The following AK5 variants were observed in gnomAD, a reference collection of about 807,000 sequenced individuals.
AK5 encodes adenylate kinase isoenzyme 5.
A neutral mutation model predicts 69.5 loss-of-function variants in AK5; 27 were observed. The ratio of observed to expected loss-of-function variants is 0.39; its 90% CI spans 0.29 to 0.54. The LOEUF (loss-of-function observed/expected upper bound fraction) is 0.54, where lower values mean the gene tolerates loss of function less well. Ranked by LOEUF, AK5 falls within the 20% of genes least tolerant of loss-of-function variation. The probability of loss-of-function intolerance (pLI) is 0.71; values close to 1 mark genes in which losing one functional copy is unlikely to be tolerated. For missense variants in AK5, 531 were observed against 700.4 expected (o/e 0.76, Z 2.73); for synonymous variants, 260 against 244.4 (o/e 1.06, Z -0.60).
chr1:77,534,335 A>T (rs1658836181), intron 12 of AK5, among the ~76,000 whole-genome samples: 1 of 152,186 alleles, frequency 6.6e-6, no homozygotes, highest in African/African-American at 2.4e-5. Context: ...AAGGATATGG[A>T]GATGGGGAGA....
intron 11 of AK5, among the ~76,000 whole-genome samples, chr1:77,519,207 A>T (rs1259474516): frequency 6.6e-6 from 1 of 152,320 alleles, no homozygotes; most frequent in South Asian, 2.1e-4. Flanking sequence ...ATCTCTAAGA[A>T]GCTGAATGGT....
intron 6 of AK5, among the ~76,000 whole-genome samples, chr1:77,347,293 C>G (rs1057269950): frequency 1.8e-4 from 27 of 152,088 alleles, no homozygotes; most frequent in African/African-American, 6.3e-4. Flanking sequence ...CAGTGAGAGC[C>G]CTGAAGCAAC....
rs543705572 is a variant in AK5 at position 77,376,504 on chromosome 1, T to C, written c.892-34477T>C. Among the ~76,000 whole-genome samples, 223 of 150,312 alleles carry C rather than the reference T, an allele frequency of 1.5e-3. 2 individuals are homozygous for C. Among genetic ancestry groups the C allele is most frequent in the African/African-American group, 5.2e-3 (213 of 40,770 alleles). ...TTGTCATTACTGACTTCATGAGTAGTGCATGTAACTATTTCTATGGGTCTT... is the reference window on the plus strand; with the variant it reads ...TTGTCATTACTGACTTCATGAGTAGCGCATGTAACTATTTCTATGGGTCTT... On this transcript the variant is annotated intron_variant, in intron 6 of 13. Coordinates refer to ENST00000354567, the MANE Select transcript of AK5 (RefSeq NM_174858.3).
intron 6 of AK5, among the ~76,000 whole-genome samples, chr1:77,361,100 T>C (rs1646854541): frequency 1.3e-5 from 2 of 152,210 alleles, no homozygotes; most frequent in African/African-American, 4.8e-5. Context: ...TGCTGCTCAC[T>C]TGAGATGCTC....
intron 10 of AK5, among the ~76,000 whole-genome samples, chr1:77,498,505 G>A (rs1258406250): frequency 1.3e-5 from 2 of 152,150 alleles, no homozygotes; most frequent in African/African-American, 2.4e-5. Flanking sequence ...TTCGAATGTC[G>A]GCTCCTACAT....
chr1:77,350,628 T>C (rs916797090), intron 6 of AK5, among the ~76,000 whole-genome samples: 3 of 152,164 alleles, frequency 2.0e-5, no homozygotes, highest in African/African-American at 7.2e-5. Flanking sequence ...ATATGGCAGA[T>C]CGGCAACCAT....
chr1:77,391,495 G>GTGTGTGTATATATATATATATATATATA (rs1425180466), intron 6 of AK5, among the ~76,000 whole-genome samples: 2 of 63,446 alleles, frequency 3.2e-5, no homozygotes, highest in African/African-American at 5.3e-5. Flanking sequence ...GTGTGTGTGT[G>GTGTGTGTATATATATATATATATATATA]TATATATATA....
intron 13 of AK5, among the ~76,000 whole-genome samples, chr1:77,542,168 T>C (rs1659312206): frequency 6.6e-6 from 1 of 151,908 alleles, no homozygotes; most frequent in Non-Finnish European, 1.5e-5. Flanking sequence ...ACTAAAAATA[T>C]AAAAATTCGC....
At chr1:77,417,045 ATC>A (rs989223102) in intron 7 of AK5, among the ~76,000 whole-genome samples, 1 of 152,120 alleles carries the variant, frequency 6.6e-6, no homozygotes, top group Admixed American at 6.5e-5. Context: ...AAGGGAAATA[ATC>A]TCTCTATTCA....
intron 10 of AK5, 59 bp downstream of exon 10, chr1:77,486,411 G>T: frequency 7.5e-7 from 1 of 1,330,646 alleles, no homozygotes. Flanking sequence ...GAATTTGGTA[G>T]TGGGCCAGGT....
At chr1:77,406,421 G>A (rs1342183491) in intron 6 of AK5, among the ~76,000 whole-genome samples, 1 of 151,998 alleles carries the variant, frequency 6.6e-6, no homozygotes, top group Admixed American at 6.6e-5. Context: ...TAGAGTTGCA[G>A]GACAAAAGTA....
At chr1:77,338,438 G>A (rs556927861) in intron 5 of AK5, among the ~76,000 whole-genome samples, 2 of 152,204 alleles carry the variant, frequency 1.3e-5, no homozygotes, top group African/African-American at 4.8e-5. Flanking sequence ...GTGGGAAGTT[G>A]CTGAGATTAA....
At chr1:77,296,957 G>A (rs1382839721) in intron 3 of AK5, among the ~76,000 whole-genome samples, 2 of 152,092 alleles carry the variant, frequency 1.3e-5, no homozygotes, top group Non-Finnish European at 2.9e-5. Context: ...TAGGTGTGTG[G>A]ATTTGTTTCT....
intron 8 of AK5, among the ~76,000 whole-genome samples, chr1:77,444,421 TACATAGTATAA>T (rs1652596916): frequency 3.5e-4 from 17 of 48,510 alleles, no homozygotes; most frequent in African/African-American, 1.3e-3. Flanking sequence ...ATATAGTATA[TACATAGTATAA>T]ATATATACTA....
intron 8 of AK5, among the ~76,000 whole-genome samples, chr1:77,454,592 C>A (rs1036252742): frequency 1.3e-5 from 2 of 152,064 alleles, no homozygotes; most frequent in African/African-American, 4.8e-5. Context: ...TTTATACTTT[C>A]CAAAGAGAAT....
At chr1:77,358,027 G>GAGAGAGAC (rs1662634321) in intron 6 of AK5, among the ~76,000 whole-genome samples, 1 of 151,504 alleles carries the variant, frequency 6.6e-6, no homozygotes, top group Non-Finnish European at 1.5e-5. Context: ...GTGAGAGAGA[G>GAGAGAGAC]AGAGAGAGAG....
intron 1 of AK5, among the ~76,000 whole-genome samples, chr1:77,285,964 T>TTA (rs1464125078): frequency 6.6e-6 from 1 of 152,136 alleles, no homozygotes; most frequent in African/African-American, 2.4e-5. Context: ...GTTGAAGAGC[T>TTA]TATAGTTTAG....
chr1:77,303,776 G>A (rs182770165), intron 5 of AK5, among the ~76,000 whole-genome samples: 26 of 152,338 alleles, frequency 1.7e-4, no homozygotes, highest in African/African-American at 6.3e-4. Context: ...TTGAAAGCTA[G>A]GTCACTGCCA....
intron 1 of AK5, 65 bp from the exon 2 acceptor site, chr1:77,286,876 A>G: frequency 9.7e-7 from 1 of 1,033,594 alleles, no homozygotes; most frequent in Middle Eastern, 3.5e-4. Context: ...ATTAAATTAA[A>G]TTAAAGAAAA....
Sources: allele counts gnomAD v4.1 joint callset (sites outside exome capture counted in the v4.1 genomes callset), GRCh38; gene constraint gnomAD v4.1.1; transcripts MANE v1.5; gene names NCBI Gene and HGNC (gene_info 2026-07-23, HGNC 2026-07-21).